Variants in NAP1L4 observed in about 807,000 individuals in gnomAD.
NAP1L4 encodes nucleosome assembly protein 1-like 4.
Under a neutral mutation model 58.2 loss-of-function variants are expected in NAP1L4, and 15 were observed. The ratio of observed to expected loss-of-function variants is 0.26; its 90% CI spans 0.17 to 0.40. The LOEUF (loss-of-function observed/expected upper bound fraction) is 0.40. NAP1L4 is among the 10% of genes least tolerant of loss of function. The pLI is 1.00. For synonymous variants in NAP1L4, 171 were observed against 155.6 expected, an observed-to-expected ratio of 1.10 and a Z score of -0.74; for missense variants, 384 against 451.1, an observed-to-expected ratio of 0.85 and a Z score of 1.35.
At chr11:2,964,822 G>C in intron 7 of NAP1L4, 71 bp from the exon 8 acceptor site, 1 of 1,122,990 alleles carries the variant, frequency 8.9e-7, no homozygotes, top group Non-Finnish European at 1.3e-6. Context: ...AAGAGTCATG[G>C]TTGCAGAGGC....
chr11:2,961,767 A>G (rs1846927292), intron 8 of NAP1L4, among the ~76,000 whole-genome samples: 2 of 152,168 alleles, frequency 1.3e-5, no homozygotes, highest in Admixed American at 6.5e-5. Context: ...CCTGGGGTCA[A>G]GCAATCCTCC....
At chr11:2,978,423 A>C (rs1350419136) in intron 2 of NAP1L4, 81 bp from the exon 3 acceptor site, 1 of 1,317,460 alleles carries the variant, frequency 7.6e-7, no homozygotes, top group Admixed American at 1.9e-5. Context: ...TTTCTTATTC[A>C]ATATATTAAG....
chr11:2,991,210 C>G (rs536594125), intron 1 of NAP1L4: 2 of 446,062 alleles, frequency 4.5e-6, no homozygotes, highest in African/African-American at 4.0e-5. Context: ...CTTTACTGGA[C>G]CCTAAACATG....
chr11:2,971,308 G>C lies in NAP1L4; in HGVS notation c.402+140C>G. The C allele has an allele frequency of 1.5e-6, 1 of 665,800 alleles. No homozygotes were observed. The highest frequency in any genetic ancestry group is 2.7e-5 in the East Asian group (1 of 36,636). The allele number at this position is 665,800 out of a possible 1,614,324, so 41.2% of individuals were successfully genotyped here. On this transcript the variant is annotated intron_variant, in intron 6 of 15. Transcript: ENST00000380542. The surrounding 1 kb of genome is among the most constrained non-coding windows in gnomAD (Gnocchi z 4.2). ...CAGATGCTAGATCCATATCAGAAAG[G>C]AATCTAAACCCAACCTAATGATGCA...
At chr11:2,961,133 A>G (rs75945241) in intron 8 of NAP1L4, among the ~76,000 whole-genome samples, 2 of 145,476 alleles carry the variant, frequency 1.4e-5, no homozygotes, top group East Asian at 2.1e-4. Context: ...AACGGGGGGG[A>G]AATTAAGAGG....
chr11:2,982,055 G>C (rs1193427897), intron 1 of NAP1L4, among the ~76,000 whole-genome samples: 3 of 152,144 alleles, frequency 2.0e-5, no homozygotes, highest in African/African-American at 7.2e-5. Flanking sequence ...AACATTCTAA[G>C]AGCTAAAACA....
rs1322574034 is a variant in NAP1L4 at position 2,963,188 on chromosome 11, GA to G, written c.606+1491del. Among the ~76,000 whole-genome samples the G allele has an allele frequency of 5.3e-5, 8 of 151,714 alleles. No individual in the cohort carries two copies. In the South Asian group the frequency reaches 1.7e-3, roughly 32 times the overall value. On this transcript the variant is annotated intron_variant, in intron 8 of 15. Coordinates refer to ENST00000380542, the MANE Select transcript of NAP1L4 (RefSeq NM_005969.4). ...AAAAAAAAGGAACTGACCCAAAAGG[GA>G]AAAAAAGTTAATTGCGTCTGGATGA...
chr11:2,966,082 G>A (rs1159568888), intron 7 of NAP1L4, among the ~76,000 whole-genome samples: 1 of 152,216 alleles, frequency 6.6e-6, no homozygotes, highest in African/African-American at 2.4e-5. Flanking sequence ...CACTTCATTT[G>A]TAACATGGCA....
intron 7 of NAP1L4, among the ~76,000 whole-genome samples, chr11:2,969,418 C>T (rs1847503131): frequency 6.6e-6 from 1 of 152,156 alleles, no homozygotes; most frequent in African/African-American, 2.4e-5. Context: ...ATTCATTCTG[C>T]TCTGGTCTCC....
chr11:2,969,743 T>C (rs998037718), intron 7 of NAP1L4, 60 bp downstream of exon 7: 7 of 1,543,276 alleles, frequency 4.5e-6, no homozygotes, highest in African/African-American at 1.4e-5. Context: ...AAAAATGCCA[T>C]AGATAAGTAA....
rs190759318 is a variant in NAP1L4 at position 2,945,432 on chromosome 11, T to C, written c.*247A>G. On this transcript the variant is annotated 3_prime_UTR_variant, in exon 16 of 16. Transcript: ENST00000380542. ...CTGAAATGCATTTCAGTTGCCACTG[T>C]ACAAGTTAAGCAAAATAATAAGGAA... 5.8e-4 allele frequency: 366 copies of C among 628,548 alleles called. No homozygotes were observed. Among genetic ancestry groups the C allele is most frequent in the Non-Finnish European group, 8.5e-4 (311 of 365,746 alleles). 38.9% of individuals were successfully genotyped at this position (628,548 alleles called of 1,614,324 possible).
intron 6 of NAP1L4, among the ~76,000 whole-genome samples, chr11:2,970,202 C>T (rs994432660): frequency 5.3e-5 from 8 of 152,180 alleles, no homozygotes; most frequent in South Asian, 2.1e-4. Flanking sequence ...GTGCCACCGA[C>T]GCTGGGAAAG....
chr11:2,969,040 G>C (rs1440591160), intron 7 of NAP1L4, among the ~76,000 whole-genome samples: 1 of 149,098 alleles, frequency 6.7e-6, no homozygotes, highest in Non-Finnish European at 1.5e-5. Context: ...CACCAGGATG[G>C]AGTGCAGCAC....
chr11:2,956,891 G>A (rs1032721554), intron 10 of NAP1L4, among the ~76,000 whole-genome samples: 2 of 152,054 alleles, frequency 1.3e-5, no homozygotes, highest in African/African-American at 4.8e-5. Flanking sequence ...CTATTCCGCA[G>A]CCATCCTCAA....
At chr11:2,974,941 T>A (rs1158728311) in intron 4 of NAP1L4, among the ~76,000 whole-genome samples, 2 of 151,940 alleles carry the variant, frequency 1.3e-5, no homozygotes, top group African/African-American at 4.8e-5. Context: ...GGCAGGAGAA[T>A]CACTTGAACC....
Position 2,959,957 on chromosome 11 carries a change from C to T in NAP1L4, c.607-48G>A. 8 of 1,594,060 alleles carry T rather than the reference C, an allele frequency of 5.0e-6. No homozygotes were observed. Among genetic ancestry groups the T allele is most frequent in the Admixed American group, 1.7e-5 (1 of 58,774 alleles). ...AGCACCAGTTAAAATAGAAAAATAACGAGGACAGATTGCTTGGAGTACACA... is the reference window on the plus strand; with the variant it reads ...AGCACCAGTTAAAATAGAAAAATAATGAGGACAGATTGCTTGGAGTACACA... On this transcript the variant is annotated intron_variant, in intron 8 of 15. Transcript: ENST00000380542. This position sits in a 1 kb window ranked among gnomAD's most constrained non-coding sequence, Gnocchi z 4.9.
rs902408193 is a variant in NAP1L4, at chr11:2,956,424, T to C, written c.893-658A>G. Among the ~76,000 whole-genome samples, 2 of 152,248 alleles carry C rather than the reference T, an allele frequency of 1.3e-5. 1 individual carries two copies. Among genetic ancestry groups the C allele is most frequent in the South Asian group, 4.1e-4 (2 of 4,824 alleles). On this transcript the variant is annotated intron_variant, in intron 10 of 15. Transcript: ENST00000380542. Reference sequence around the variant, plus strand: ...ATCCAACCCCCTGATTTTAGAAACATTTACTACAAGACCCTGAGCTTCATC... The same window carrying C: ...ATCCAACCCCCTGATTTTAGAAACACTTACTACAAGACCCTGAGCTTCATC...
At position 2,949,069 on chromosome 11, in the gene NAP1L4, G is replaced by C. The variant is rs1231237821; in HGVS notation, c.*32+158C>G. Among the ~76,000 whole-genome samples the C allele has an allele frequency of 6.6e-6, 1 of 152,210 alleles. No individual in the cohort carries two copies. The highest frequency in any genetic ancestry group is 1.5e-5 in the Non-Finnish European group (1 of 68,040). ...GGACCAAATCTAGGTTTGGTTCGTTGATTTTAAAAGTACATGTAACAGACA... is the reference window on the plus strand; with the variant it reads ...GGACCAAATCTAGGTTTGGTTCGTTCATTTTAAAAGTACATGTAACAGACA... On this transcript the variant is annotated intron_variant, in intron 15 of 15. Transcript: ENST00000380542. This position sits in a 1 kb window ranked among gnomAD's most constrained non-coding sequence, Gnocchi z 4.0.
intron 8 of NAP1L4, among the ~76,000 whole-genome samples, chr11:2,963,340 T>C (rs1203808918): frequency 6.6e-6 from 1 of 152,104 alleles, no homozygotes; most frequent in Non-Finnish European, 1.5e-5. Context: ...AGGCGGCTCC[T>C]GGGGGCCCTG....
Sources: gnomAD v4.1 joint callset for allele counts (sites outside exome capture counted in the v4.1 genomes callset) on GRCh38, gnomAD v4.1.1 for gene constraint, Gnocchi (gnomAD v3.1) non-coding constraint, MANE v1.5 for transcripts, NCBI Gene and HGNC (gene_info 2026-07-23, HGNC 2026-07-21) for gene names.